Variants in DSCAML1 observed in about 807,000 individuals in gnomAD.
The protein encoded by DSCAML1 is cell adhesion molecule DSCAML1.
DSCAML1 carries 38 observed loss-of-function variants against 200.5 expected under a neutral mutation model. The ratio of observed to expected loss-of-function variants is 0.19; its 90% CI spans 0.15 to 0.25. DSCAML1 has a LOEUF of 0.25. Ranked by LOEUF, DSCAML1 falls within the 10% of genes least tolerant of loss-of-function variation. The pLI is 1.00. For synonymous variants in DSCAML1, 1,215 were observed against 1,165.0 expected, an observed-to-expected ratio of 1.04 and a Z score of -0.87; for missense variants, 2,223 against 2,858.8, an observed-to-expected ratio of 0.78 and a Z score of 5.07.
intron 3 of DSCAML1, among the ~76,000 whole-genome samples, chr11:117,568,374 G>A (rs960607571): frequency 9.9e-5 from 15 of 152,192 alleles, no homozygotes; most frequent in African/African-American, 3.6e-4. Flanking sequence ...TTCTGGCCAG[G>A]GCAATCAGGC....
intron 20 of DSCAML1, among the ~76,000 whole-genome samples, chr11:117,449,526 G>C (rs1288871227): frequency 6.6e-6 from 1 of 152,158 alleles, no homozygotes. Flanking sequence ...AGCAATTTCA[G>C]GGCAGCTTTC....
chr11:117,453,292 C>T (rs1042123276), intron 19 of DSCAML1, among the ~76,000 whole-genome samples: 36 of 152,234 alleles, frequency 2.4e-4, no homozygotes, highest in African/African-American at 3.1e-4. Flanking sequence ...CTGTTTTATG[C>T]GGCCAACATT....
chr11:117,644,186 T>C (rs990192928), intron 3 of DSCAML1, among the ~76,000 whole-genome samples: 8 of 152,112 alleles, frequency 5.3e-5, no homozygotes, highest in Non-Finnish European at 8.8e-5. Flanking sequence ...AAAAACCCAC[T>C]TCACAGCCAC....
intron 3 of DSCAML1, among the ~76,000 whole-genome samples, chr11:117,652,438 G>A (rs1184389112): frequency 6.6e-6 from 1 of 152,196 alleles, no homozygotes; most frequent in Non-Finnish European, 1.5e-5. Flanking sequence ...TTGAATTGGG[G>A]AAGTCACTTA....
At chr11:117,717,061 G>A (rs2053963405) in intron 3 of DSCAML1, among the ~76,000 whole-genome samples, 1 of 152,182 alleles carries the variant, frequency 6.6e-6, no homozygotes, top group Admixed American at 6.5e-5. Flanking sequence ...GGAGGGCGCA[G>A]GCCTTTCTAG....
At chr11:117,753,018 C>G (rs2137872423) in intron 3 of DSCAML1, among the ~76,000 whole-genome samples, 1 of 152,324 alleles carries the variant, frequency 6.6e-6, no homozygotes, top group South Asian at 2.1e-4. Flanking sequence ...GGTGGGGACA[C>G]AGCAAGTAAC....
intron 19 of DSCAML1, among the ~76,000 whole-genome samples, chr11:117,457,541 G>C (rs2048396247): frequency 1.3e-5 from 2 of 152,214 alleles, no homozygotes. Flanking sequence ...GCTCTGCCCG[G>C]AGCTGTCCCA....
rs139771101 is a variant in DSCAML1 at position 117,805,061 on chromosome 11, G to C, written c.-250+12329C>G. ...CTTACTGTTGTCCAATGTTTTGTTG[G>C]ATTTCCTGGGCTGACATGCCAATCA... On this transcript the variant is annotated intron_variant, in intron 1 of 2. Coordinates refer to the DSCAML1 transcript ENST00000525836. Among the ~76,000 whole-genome samples, 416 of 152,308 alleles carry C rather than the reference G, an allele frequency of 2.7e-3. 2 individuals are homozygous for C. In the Middle Eastern group the frequency reaches 0.031, roughly 11 times the overall value.
At chr11:117,590,367 TAAA>T (rs72401768) in intron 3 of DSCAML1, among the ~76,000 whole-genome samples, 83 of 139,214 alleles carry the variant, frequency 6.0e-4, no homozygotes, top group African/African-American at 1.7e-3. Context: ...ATACATAACT[TAAA>T]AAAAAAAAAA....
At chr11:117,479,066 G>A (rs772287362) in intron 14 of DSCAML1, among the ~76,000 whole-genome samples, 2 of 152,250 alleles carry the variant, frequency 1.3e-5, no homozygotes, top group Non-Finnish European at 2.9e-5. Flanking sequence ...GCTTTCACAT[G>A]TCCCACTTCA....
At chr11:117,470,831 A>G (rs1335497902) in intron 15 of DSCAML1, among the ~76,000 whole-genome samples, 1 of 152,182 alleles carries the variant, frequency 6.6e-6, no homozygotes, top group African/African-American at 2.4e-5. Flanking sequence ...TATGCTAATG[A>G]CATGAATGAA....
At chr11:117,759,778 T>G (rs2137889080) in intron 3 of DSCAML1, among the ~76,000 whole-genome samples, 1 of 152,276 alleles carries the variant, frequency 6.6e-6, no homozygotes, top group East Asian at 1.9e-4. Flanking sequence ...CTCCCAGTAT[T>G]CTTAATTTTC....
chr11:117,702,098 C>T (rs1208144530), intron 3 of DSCAML1, among the ~76,000 whole-genome samples: 1 of 152,222 alleles, frequency 6.6e-6, no homozygotes, highest in Non-Finnish European at 1.5e-5. Flanking sequence ...GTGGCTGCCT[C>T]TTCCCTGCGT....
rs61730454 is a variant in DSCAML1 at position 117,439,391 on chromosome 11, C to T, written c.4019G>A (p.Arg1340Gln). 7,532 of 1,613,688 alleles carry T rather than the reference C, an allele frequency of 4.7e-3. 34 individuals are homozygous for T. Among genetic ancestry groups the T allele is most frequent in the Non-Finnish European group, 5.8e-3 (6,837 of 1,179,982 alleles). The part of the protein sequence containing the change: ...SAIPVSMDGH[R>Q]LIHTNGTLLL... ...CAGTGTGCCATTGGTGTGGATGAGC[C>T]GGTGCCCATCCATGGACACTGGAAT... The change falls in exon 23 of 33, where the codon CGG becomes CAG. Residue 1340 changes from arginine to glutamine, a missense_variant. Physicochemically the swap from Arg to Gln is conservative, Grantham distance 43 (BLOSUM62 1). This residue lies in a region of DSCAML1 where 614 missense variants were observed against 739.1 expected (regional missense o/e 0.83). Transcript: ENST00000651296.
intron 3 of DSCAML1, among the ~76,000 whole-genome samples, chr11:117,759,083 C>T (rs983585930): frequency 6.6e-6 from 1 of 152,194 alleles, no homozygotes; most frequent in Non-Finnish European, 1.5e-5. Flanking sequence ...GACCCCAATA[C>T]AAATCCACCC....
intron 27 of DSCAML1, 56 bp from the exon 28 acceptor site, chr11:117,433,527 G>A (rs2047847513): frequency 1.9e-6 from 3 of 1,579,766 alleles, no homozygotes; most frequent in African/African-American, 1.3e-5. Context: ...TGAACAGGAT[G>A]ACAATGGGAG....
Position 117,711,369 on chromosome 11 carries a change from GC to G in DSCAML1, c.511+65421del, listed in dbSNP as rs542874486. ...GTTTTACAGAAGAGAAAACTGAGGG[GC>G]AGAATAGCTTGCAGAAGTCCCTGAA... On this transcript the variant is annotated intron_variant, in intron 3 of 32. Coordinates refer to ENST00000651296, the MANE Select transcript of DSCAML1 (RefSeq NM_020693.4). Among the ~76,000 whole-genome samples, 45 of 152,296 alleles carry G rather than the reference GC, an allele frequency of 3.0e-4. No homozygotes were observed. The Middle Eastern group carries it at 0.014, about 46-fold the overall frequency.
chr11:117,809,903 TCACACA>T (rs201683364), intron 1 of DSCAML1, among the ~76,000 whole-genome samples: 2 of 148,756 alleles, frequency 1.3e-5, no homozygotes, highest in Non-Finnish European at 3.0e-5. Context: ...ACCCACACAC[TCACACA>T]CACATTCACA....
At chr11:117,680,375 G>C (rs901480544) in intron 3 of DSCAML1, among the ~76,000 whole-genome samples, 7 of 152,188 alleles carry the variant, frequency 4.6e-5, no homozygotes, top group Admixed American at 4.6e-4. Flanking sequence ...ACATGGCACA[G>C]GGAGTCCCAC....
Sources: allele counts gnomAD v4.1 joint callset (sites outside exome capture counted in the v4.1 genomes callset), GRCh38; gene constraint gnomAD v4.1.1; regional missense constraint gnomAD v4.1.1; transcripts MANE v1.5; gene names NCBI Gene and HGNC (gene_info 2026-07-23, HGNC 2026-07-21).